The following MYH14 variants were observed in gnomAD, a reference collection of about 807,000 sequenced individuals.
MYH14 encodes myosin-14.
Under a neutral mutation model 255.5 loss-of-function variants are expected in MYH14, and 123 were observed. The ratio of observed to expected loss-of-function variants is 0.48; its 90% CI spans 0.42 to 0.56. The LOEUF (loss-of-function observed/expected upper bound fraction) is 0.56. Among genes scored for constraint, MYH14 ranks in the 20% least tolerant of loss-of-function variants. The pLI is 0.00. For synonymous variants in MYH14, 1,095 were observed against 1,161.2 expected (o/e 0.94, Z 1.16); for missense variants, 2,423 against 2,802.3 (o/e 0.86, Z 3.06).
intron 1 of MYH14, among the ~76,000 whole-genome samples, chr19:50,206,939 C>T (rs954438451): frequency 6.8e-6 from 1 of 147,332 alleles, no homozygotes; most frequent in Non-Finnish European, 1.5e-5. Context: ...AGGGGCCGGG[C>T]GTAGTGGCTC....
chr19:50,279,216 A>G (rs1314522805), intron 30 of MYH14, among the ~76,000 whole-genome samples: 1 of 152,184 alleles, frequency 6.6e-6, no homozygotes, highest in Admixed American at 6.6e-5. Context: ...TGGAGATCTT[A>G]TATAAATGGA....
chr19:50,275,249 C>G (rs1414585693), intron 27 of MYH14, among the ~76,000 whole-genome samples: 3 of 152,148 alleles, frequency 2.0e-5, no homozygotes, highest in Admixed American at 1.3e-4. Context: ...CCAGTTGGTG[C>G]TGCCCCCAGA....
In MYH14 at chr19:50,286,676, G is replaced by A; in HGVS notation, c.4734G>A (p.Lys1578=). The change falls in exon 34 of 43, where the codon AAG becomes AAA. Residue 1578 remains lysine (K), a synonymous_variant. Coordinates refer to ENST00000642316, the MANE Select transcript of MYH14 (RefSeq NM_001145809.2). ...RAELEALLSS[K]DDVGKSVHEL... ...AGCTGGAGGCACTGCTGAGCAGCAA[G>A]GATGACGTCGGCAAGAGCGTGAGCA... The A allele has an allele frequency of 6.3e-7, 1 of 1,576,402 alleles. No homozygotes were observed. The highest frequency in any genetic ancestry group is 8.6e-7 in the Non-Finnish European group (1 of 1,162,298).
At chr19:50,272,811 C>T in intron 27 of MYH14, 80 bp downstream of exon 27, 1 of 1,430,502 alleles carries the variant, frequency 7.0e-7, no homozygotes. Flanking sequence ...GTCAGAAGCT[C>T]CTGGGTACAA....
At chr19:50,231,896 C>T in intron 9 of MYH14, 34 bp from the exon 10 acceptor site, 2 of 1,612,894 alleles carry the variant, frequency 1.2e-6, no homozygotes, top group East Asian at 2.2e-5. Context: ...GCACAGCCCA[C>T]CTTTGACCTT....
intron 18 of MYH14, among the ~76,000 whole-genome samples, chr19:50,258,289 G>A (rs1159471995): frequency 6.6e-6 from 1 of 152,082 alleles, no homozygotes; most frequent in East Asian, 1.9e-4. Flanking sequence ...CGTCTCTGAA[G>A]TCGAGATGTA....
At chr19:50,208,736 A>G (rs1306640101) in intron 1 of MYH14, among the ~76,000 whole-genome samples, 2 of 152,212 alleles carry the variant, frequency 1.3e-5, no homozygotes, top group African/African-American at 4.8e-5. Context: ...AGTAGATTGA[A>G]AATATTATCA....
In MYH14 at chr19:50,230,094, G is replaced by C. The variant is rs377422530; in HGVS notation, c.875-431G>C. On this transcript the variant is annotated intron_variant, in intron 8 of 42. Coordinates refer to ENST00000642316, the MANE Select transcript of MYH14 (RefSeq NM_001145809.2). This position sits in a 1 kb window ranked among gnomAD's most constrained non-coding sequence, Gnocchi z 4.7. ...CACACCTATAATTTTTGTATTTTTAGTAGAGATGGGATTTTGCCATGTTGG... is the reference window on the plus strand; with the variant it reads ...CACACCTATAATTTTTGTATTTTTACTAGAGATGGGATTTTGCCATGTTGG... Among the ~76,000 whole-genome samples the C allele has an allele frequency of 2.9e-4, 44 of 152,270 alleles. No homozygotes were observed. In the South Asian group the frequency reaches 8.3e-3, roughly 29 times the overall value.
chr19:50,211,569 A>G (rs1372550379), intron 2 of MYH14, among the ~76,000 whole-genome samples: 1 of 152,172 alleles, frequency 6.6e-6, no homozygotes, highest in African/African-American at 2.4e-5. Context: ...TCAGAATTAT[A>G]AAGCATCTGA....
In MYH14 at chr19:50,268,252, C is replaced by A; in HGVS notation, c.2918C>A (p.Ala973Asp). The change falls in exon 24 of 43, where the codon GCC (alanine) becomes GAC (aspartate). Residue 973 changes from alanine (A) to aspartate (D), a missense_variant. Ala to Asp is a moderately radical substitution (Grantham distance 126). This residue lies in a region of MYH14 where 1,513 missense variants were observed against 1,674.8 expected (regional missense o/e 0.90). Coordinates refer to ENST00000642316, the MANE Select transcript of MYH14 (RefSeq NM_001145809.2). ...GAGGAGACGCGGGGGAGGCTGGCAGCCCGCAAGCAGGAGCTGGAGCTGGTG... is the reference window on the plus strand; with the variant it reads ...GAGGAGACGCGGGGGAGGCTGGCAGACCGCAAGCAGGAGCTGGAGCTGGTG... ...EAEETRGRLA[A>D]RKQELELVVS... 1.9e-6 allele frequency: 3 copies of A among 1,569,734 alleles called. No homozygotes were observed. Among genetic ancestry groups the A allele is most frequent in the Non-Finnish European group, 2.6e-6 (3 of 1,157,728 alleles).
intron 3 of MYH14, among the ~76,000 whole-genome samples, chr19:50,218,033 G>A (rs548721560): frequency 6.6e-5 from 10 of 152,068 alleles, no homozygotes; most frequent in East Asian, 2.0e-4. Context: ...GTCTTGCTCC[G>A]TCACCCAGGC....
chr19:50,215,051 G>T (rs976525731), intron 2 of MYH14, among the ~76,000 whole-genome samples: 5 of 152,168 alleles, frequency 3.3e-5, no homozygotes, highest in African/African-American at 1.2e-4. Flanking sequence ...AGCCCCGAGG[G>T]CTGGAGCAGC....
At chr19:50,236,659 G>C (rs1385071775) in intron 10 of MYH14, among the ~76,000 whole-genome samples, 1 of 151,816 alleles carries the variant, frequency 6.6e-6, no homozygotes, top group Non-Finnish European at 1.5e-5. Flanking sequence ...AGTGAGCCAA[G>C]ATTAAGCCAC....
chr19:50,244,876 C>T (rs1329060024), intron 11 of MYH14, among the ~76,000 whole-genome samples: 1 of 152,128 alleles, frequency 6.6e-6, no homozygotes, highest in Non-Finnish European at 1.5e-5. Flanking sequence ...GTGAACCGCA[C>T]CAGCACGACA....
chr19:50,261,956 C>T (rs533015252), intron 21 of MYH14, among the ~76,000 whole-genome samples: 2 of 152,234 alleles, frequency 1.3e-5, no homozygotes, highest in East Asian at 1.9e-4. Flanking sequence ...CCGGGGCAAC[C>T]CAGGTCAAGC....
chr19:50,224,046 T>TCCCCCCCCCCCCCCCCCA, intron 5 of MYH14, 108 bp from the exon 6 acceptor site: 1 of 504,358 alleles, frequency 2.0e-6, no homozygotes. Context: ...CAGTCCCCCT[T>TCCCCCCCCCCCCCCCCCA]CCCCCACCCC....
intron 16 of MYH14, 93 bp from the exon 17 acceptor site, chr19:50,255,127 C>A: frequency 1.3e-6 from 1 of 776,226 alleles, no homozygotes; most frequent in African/African-American, 1.7e-5. Context: ...CTTCCTGCCA[C>A]CTCCTCTCCT....
At position 50,293,171 on chromosome 19, in the gene MYH14, G is replaced by A. The variant is rs2036143075; in HGVS notation, c.5257-62G>A. On this transcript the variant is annotated intron_variant, in intron 37 of 42. Transcript: ENST00000642316. This position sits in a 1 kb window ranked among gnomAD's most constrained non-coding sequence, Gnocchi z 4.1. ...TTGAGGTGTGAGGGACAGAGAAAGG[G>A]GTGAGACCCGTGCCCAGATTGCTTC... 5 of 1,197,250 alleles carry A rather than the reference G, an allele frequency of 4.2e-6. No homozygotes were observed. Among genetic ancestry groups the A allele is most frequent in the East Asian group, 2.5e-5 (1 of 39,566 alleles). 74.2% of individuals were successfully genotyped at this position (1,197,250 alleles called of 1,614,324 possible). A position where few individuals can be genotyped will look rare whatever the true frequency, so the allele number is the denominator to read the frequency against.
chr19:50,234,861 A>T (rs1224839520), intron 10 of MYH14, among the ~76,000 whole-genome samples: 1 of 152,188 alleles, frequency 6.6e-6, no homozygotes, highest in African/African-American at 2.4e-5. Context: ...AATGTGGCTA[A>T]AGGTTGTACT....
Sources: gnomAD v4.1 joint callset for allele counts (sites outside exome capture counted in the v4.1 genomes callset) on GRCh38, gnomAD v4.1.1 for gene constraint, gnomAD v4.1.1 regional missense constraint, Gnocchi (gnomAD v3.1) non-coding constraint, MANE v1.5 for transcripts, NCBI Gene and HGNC (gene_info 2026-07-23, HGNC 2026-07-21) for gene names.